Variants in LRRC28 observed in about 807,000 individuals in gnomAD.
LRRC28 encodes the protein leucine rich repeat containing 28.
LRRC28 carries 39 observed loss-of-function variants against 45.7 expected under a neutral mutation model. That is an observed-to-expected ratio of 0.85 (90% CI 0.66 to 1.12). The LOEUF is 1.12. LRRC28 is among the 50% of genes most tolerant of loss of function. The pLI, the probability that LRRC28 is intolerant of heterozygous loss-of-function variation, is 0.00. For missense variants in LRRC28, 435 were observed against 438.5 expected (o/e 0.99, Z 0.07); for synonymous variants, 206 against 178.8 (o/e 1.15, Z -1.22).
intron 5 of LRRC28, among the ~76,000 whole-genome samples, chr15:99,329,744 A>G (rs907338175): frequency 1.4e-4 from 21 of 152,340 alleles, no homozygotes; most frequent in African/African-American, 4.6e-4. Flanking sequence ...TTGACCCATC[A>G]TAGTTTTTCA....
At chr15:99,285,721 A>T (rs968557466) in intron 3 of LRRC28, 1 of 564,666 alleles carries the variant, frequency 1.8e-6, no homozygotes, top group Non-Finnish European at 3.2e-6. Context: ...AATAGTGGGT[A>T]CTTTAGTTCA....
At chr15:99,329,671 T>C (rs1465898435) in intron 5 of LRRC28, among the ~76,000 whole-genome samples, 1 of 152,240 alleles carries the variant, frequency 6.6e-6, no homozygotes, top group Non-Finnish European at 1.5e-5. Flanking sequence ...CATCTGCATA[T>C]GTGAAAGATA....
chr15:99,285,466 C>T lies in LRRC28; in HGVS notation c.210-1791C>T, dbSNP rs185525932. ...CATGACCACACAGTCCGTGAGCGTT[C>T]CCCATTGCTCAGAGTGACTCCTCAG... is the stretch of plus-strand genomic sequence containing the variant. On this transcript the variant is annotated intron_variant, in intron 3 of 9. Transcript: ENST00000301981. The T allele has an allele frequency of 1.5e-3, 1,251 of 857,064 alleles. 1 individual carries two copies. The highest frequency in any genetic ancestry group is 2.4e-3 in the Middle Eastern group (7 of 2,916). 53.1% of individuals were successfully genotyped at this position (857,064 alleles called of 1,614,324 possible). A position where few individuals can be genotyped will look rare whatever the true frequency, so the allele number is the denominator to read the frequency against.
chr15:99,338,638 C>T (rs541619874), intron 6 of LRRC28, among the ~76,000 whole-genome samples: 2 of 152,278 alleles, frequency 1.3e-5, no homozygotes, highest in South Asian at 4.1e-4. Flanking sequence ...TGGGGAGCCA[C>T]TTAATGAATT....
At chr15:99,287,330 T>C (rs758678939) in intron 4 of LRRC28, 36 bp downstream of exon 4, 4 of 1,441,896 alleles carry the variant, frequency 2.8e-6, no homozygotes, top group Non-Finnish European at 9.3e-7. Context: ...TAGAAGATAA[T>C]ATAATTTAAG....
chr15:99,384,266 A>C (rs184479110), intron 9 of LRRC28: 3 of 152,332 alleles, frequency 2.0e-5, no homozygotes, highest in African/African-American at 7.2e-5. Flanking sequence ...AGAAGGTGGA[A>C]AGGTCTGTTT....
At chr15:99,286,263 T>C (rs918282298) in intron 3 of LRRC28, among the ~76,000 whole-genome samples, 5 of 152,178 alleles carry the variant, frequency 3.3e-5, no homozygotes, top group Non-Finnish European at 5.9e-5. Flanking sequence ...CCCAAGTAGC[T>C]GGGACTACAG....
intron 7 of LRRC28, among the ~76,000 whole-genome samples, chr15:99,353,316 G>C (rs550382709): frequency 1.2e-4 from 18 of 152,294 alleles, no homozygotes; most frequent in African/African-American, 4.3e-4. Context: ...GCTATGAGTA[G>C]TTCTGGCAAG....
chr15:99,286,125 G>T (rs2081952048), intron 3 of LRRC28, among the ~76,000 whole-genome samples: 1 of 152,066 alleles, frequency 6.6e-6, no homozygotes. Flanking sequence ...TAAATTTTTT[G>T]TTTGTTTGTT....
rs761114743 is a variant in LRRC28 at position 99,276,599 on chromosome 15, T to A, written c.192T>A (p.Leu64=). The A allele has an allele frequency of 5.2e-6, 8 of 1,530,298 alleles. No homozygotes were observed. The East Asian group carries it at 1.7e-4, about 32-fold the overall frequency. 94.8% of individuals were successfully genotyped at this position (1,530,298 alleles called of 1,614,324 possible). A position where few individuals can be genotyped will look rare whatever the true frequency, so the allele number is the denominator to read the frequency against. ...AGCCAGAAAACCTTGCTCAGAAGCT[T>A]CCAAACCTTGTGGAACTGTGAGTCT... ...TSLPENLAQK[L]PNLVELYLHS... is the part of the protein sequence containing the mutation. The change falls in exon 3 of 10, where the codon CTT becomes CTA. Residue 64 remains leucine (L), a synonymous_variant. Transcript: ENST00000301981.
intron 9 of LRRC28, among the ~76,000 whole-genome samples, chr15:99,371,215 G>A (rs1170768721): frequency 6.6e-6 from 1 of 152,158 alleles, no homozygotes; most frequent in African/African-American, 2.4e-5. Context: ...TTATCCAGTT[G>A]GTTAGCAAAC....
chr15:99,332,146 C>T (rs1011103460), intron 5 of LRRC28: 4 of 152,048 alleles, frequency 2.6e-5, no homozygotes, highest in African/African-American at 7.3e-5. Flanking sequence ...GATTCTTCCT[C>T]ATATTTTATC....
rs1482171219 is a variant in LRRC28, at chr15:99,261,642, TTTAATC to T, written c.168+5523_168+5528del. 2.2e-4 allele frequency among the ~76,000 whole-genome samples: 33 copies of T among 152,152 alleles called. 1 individual carries two copies. Among genetic ancestry groups the T allele is most frequent in the African/African-American group, 7.7e-4 (32 of 41,546 alleles). ...TCCCACCTCTTTTATTAATTTTAAT[TTTAATC>T]TTAATTTTAATTTTAATTTTTTTTT... On this transcript the variant is annotated intron_variant, in intron 2 of 9. Transcript: ENST00000301981.
At chr15:99,370,409 T>C (rs1957452451) in intron 9 of LRRC28, among the ~76,000 whole-genome samples, 1 of 152,044 alleles carries the variant, frequency 6.6e-6, no homozygotes. Flanking sequence ...CACGTGTGTG[T>C]GTGTATGGTT....
intron 1 of LRRC28, 42 bp downstream of exon 1, chr15:99,251,583 A>T (rs1264571782): frequency 6.6e-6 from 1 of 152,182 alleles, no homozygotes; most frequent in African/African-American, 2.4e-5. Context: ...TCAAGTGGCG[A>T]GGCTCTCTGA....
intron 5 of LRRC28, among the ~76,000 whole-genome samples, chr15:99,314,310 T>C (rs1955515247): frequency 6.6e-6 from 1 of 151,990 alleles, no homozygotes; most frequent in South Asian, 2.1e-4. Context: ...TGGTGACACA[T>C]GCCTGTAGTC....
chr15:99,346,471 A>C (rs1956685646), intron 6 of LRRC28, among the ~76,000 whole-genome samples: 1 of 152,242 alleles, frequency 6.6e-6, no homozygotes. Context: ...AAATTAATGC[A>C]GAGTAATCCG....
intron 9 of LRRC28, among the ~76,000 whole-genome samples, chr15:99,370,380 G>A (rs916068681): frequency 7.9e-5 from 12 of 152,196 alleles, no homozygotes; most frequent in African/African-American, 2.9e-4. Flanking sequence ...GTGTACGTAT[G>A]TACATATACA....
rs562242143 is a variant in LRRC28 at position 99,372,187 on chromosome 15, G to A, written c.1031+8922G>A. ...AGGAAACATATTTGCAGAAAAAATC[G>A]CACATTTCTTATGATTTTTGTGGGC... On this transcript the variant is annotated intron_variant, in intron 9 of 9. Coordinates refer to ENST00000301981, the MANE Select transcript of LRRC28 (RefSeq NM_144598.5). Among the ~76,000 whole-genome samples the A allele has an allele frequency of 7.2e-5, 11 of 152,170 alleles. No individual in the cohort carries two copies. In the South Asian group the frequency reaches 1.9e-3, roughly 26 times the overall value.
Sources: gnomAD v4.1 joint callset for allele counts (sites outside exome capture counted in the v4.1 genomes callset) on GRCh38, gnomAD v4.1.1 for gene constraint, MANE v1.5 for transcripts, NCBI Gene and HGNC (gene_info 2026-07-23, HGNC 2026-07-21) for gene names.